The following FOXJ3 variants were observed in gnomAD, a reference collection of about 807,000 sequenced individuals.
The protein encoded by FOXJ3 is forkhead box protein J3.
FOXJ3 carries 22 observed loss-of-function variants against 76.1 expected under a neutral mutation model. That is an observed-to-expected ratio of 0.29 (90% CI 0.21 to 0.41). The LOEUF (loss-of-function observed/expected upper bound fraction) is 0.41. Among genes scored for constraint, FOXJ3 ranks in the 10% least tolerant of loss-of-function variants. The pLI, the probability that FOXJ3 is intolerant of heterozygous loss-of-function variation, is 1.00. For missense variants in FOXJ3, 613 were observed against 762.1 expected (o/e 0.80, Z 2.30); for synonymous variants, 269 against 261.2 (o/e 1.03, Z -0.29).
At chr1:42,239,559 T>C (rs1648966931) in intron 4 of FOXJ3, among the ~76,000 whole-genome samples, 3 of 152,188 alleles carry the variant, frequency 2.0e-5, no homozygotes, top group African/African-American at 7.2e-5. Context: ...ACAACATCTT[T>C]TGAATGTAAC....
intron 5 of FOXJ3, among the ~76,000 whole-genome samples, chr1:42,227,115 T>C (rs941665713): frequency 6.6e-6 from 1 of 152,218 alleles, no homozygotes; most frequent in Non-Finnish European, 1.5e-5. Flanking sequence ...TTCTACAAAG[T>C]GTAAGAAATT....
In FOXJ3 at chr1:42,257,441, C is replaced by T. The variant is rs542524479; in HGVS notation, c.444+7674G>A. 6.6e-5 allele frequency among the ~76,000 whole-genome samples: 10 copies of T among 152,226 alleles called. No homozygotes were observed. The East Asian group carries it at 1.5e-3, about 23-fold the overall frequency. ...AGAAAATCCATCAGAAATGGCTGTG[C>T]ACAGCGGCTCACACCTGTAATCTCA... On this transcript the variant is annotated intron_variant, in intron 4 of 12. Coordinates refer to ENST00000361346, the MANE Select transcript of FOXJ3 (RefSeq NM_014947.5).
chr1:42,278,264 T>G (rs760723977), intron 3 of FOXJ3, 84 bp downstream of exon 3: 2 of 1,009,986 alleles, frequency 2.0e-6, no homozygotes, highest in African/African-American at 3.3e-5. Flanking sequence ...TTCAATTACA[T>G]GAGCATTCAC....
chr1:42,199,083 T>C lies in FOXJ3; in HGVS notation c.759+19A>G. 6.2e-7 allele frequency: 1 copy of C among 1,601,308 alleles called. No homozygotes were observed. Among genetic ancestry groups the C allele is most frequent in the Non-Finnish European group, 8.5e-7 (1 of 1,169,712 alleles). On this transcript the variant is annotated intron_variant, in intron 7 of 12. Transcript: ENST00000361346. ...ACTAAATGAATAACTATTAACATGTTAACTTCATCAAGACTTACCGGTGTA... is the reference window on the plus strand; with the variant it reads ...ACTAAATGAATAACTATTAACATGTCAACTTCATCAAGACTTACCGGTGTA...
At chr1:42,235,219 C>T (rs1052162251) in intron 4 of FOXJ3, among the ~76,000 whole-genome samples, 4 of 152,218 alleles carry the variant, frequency 2.6e-5, no homozygotes, top group Non-Finnish European at 5.9e-5. Flanking sequence ...GGGATATAAT[C>T]TCCTGGTGTG....
At chr1:42,280,452 A>C (rs1652618479) in intron 2 of FOXJ3, 3 of 966,820 alleles carry the variant, frequency 3.1e-6, no homozygotes, top group African/African-American at 1.8e-5. Context: ...AAAAAAAAAA[A>C]AAAAAAAAAA....
chr1:42,191,158 A>T, intron 9 of FOXJ3, 145 bp downstream of exon 9: 1 of 736,022 alleles, frequency 1.4e-6, no homozygotes, highest in African/African-American at 1.7e-5. Context: ...TCAGTCTATG[A>T]ATTAAATGAG....
At position 42,194,969 on chromosome 1, in the gene FOXJ3, T is replaced by C; in HGVS notation, c.855A>G (p.Ser285=). ...LPERDKQLLF[S]EYNFEDLSAS... ...CACTAAGATCTTCAAAATTATATTC[T>C]GAGAAAAGTAGTTGCTTGTCTCTTT... Residue 285 remains serine (S), a synonymous_variant, in exon 8 of 13, where the codon TCA becomes TCG. Transcript: ENST00000361346. The C allele has an allele frequency of 6.2e-7, 1 of 1,613,238 alleles. No homozygotes were observed. The highest frequency in any genetic ancestry group is 8.5e-7 in the Non-Finnish European group (1 of 1,179,388).
chr1:42,188,692 C>T (rs892849842), intron 11 of FOXJ3, 45 bp downstream of exon 11: 6 of 1,320,354 alleles, frequency 4.5e-6, no homozygotes, highest in African/African-American at 4.5e-5. Flanking sequence ...AAATTTCGTA[C>T]GAATGAGAAA....
chr1:42,244,895 G>A (rs1347352521), intron 4 of FOXJ3, among the ~76,000 whole-genome samples: 1 of 152,042 alleles, frequency 6.6e-6, no homozygotes, highest in Admixed American at 6.6e-5. Context: ...GTAATTAAAA[G>A]TCTTGGCCAG....
intron 1 of FOXJ3, among the ~76,000 whole-genome samples, chr1:42,313,532 G>A (rs557360312): frequency 6.6e-6 from 1 of 152,218 alleles, no homozygotes; most frequent in South Asian, 2.1e-4. Context: ...ACAAAACCCA[G>A]AAGGAAATCA....
chr1:42,324,101 T>TATATATACTGTATATACACA (rs1655618691), intron 1 of FOXJ3, among the ~76,000 whole-genome samples: 1 of 22,740 alleles, frequency 4.4e-5, no homozygotes, highest in South Asian at 1.3e-3. Flanking sequence ...GTATATATAC[T>TATATATACTGTATATACACA]GTGTATATAC....
intron 5 of FOXJ3, among the ~76,000 whole-genome samples, chr1:42,220,473 C>T (rs1191315849): frequency 6.6e-6 from 1 of 152,110 alleles, no homozygotes; most frequent in African/African-American, 2.4e-5. Context: ...ACCATCCAAA[C>T]CCTCCCATAT....
intron 4 of FOXJ3, among the ~76,000 whole-genome samples, chr1:42,260,253 G>C (rs1650932223): frequency 1.3e-5 from 2 of 151,932 alleles, no homozygotes; most frequent in African/African-American, 4.8e-5. Flanking sequence ...TAAAGAAAAT[G>C]ACCAAAATGG....
intron 2 of FOXJ3, among the ~76,000 whole-genome samples, chr1:42,294,783 C>A (rs924297650): frequency 1.0e-5 from 1 of 97,742 alleles, no homozygotes; most frequent in Non-Finnish European, 2.2e-5. Context: ...AAAAAAGACG[C>A]CATGAACTTG....
intron 7 of FOXJ3, among the ~76,000 whole-genome samples, chr1:42,196,213 G>A (rs895119112): frequency 8.5e-5 from 13 of 152,192 alleles, no homozygotes; most frequent in African/African-American, 2.2e-4. Flanking sequence ...CACGTGGGAT[G>A]TAGGGAGCTG....
chr1:42,206,064 ACTCT>A (rs953256269), intron 5 of FOXJ3: 18 of 506,834 alleles, frequency 3.6e-5, no homozygotes, highest in African/African-American at 3.2e-4. Flanking sequence ...TGGTATGGCT[ACTCT>A]CTAACAACTC....
intron 4 of FOXJ3, among the ~76,000 whole-genome samples, chr1:42,231,236 G>T (rs913096243): frequency 1.3e-5 from 2 of 152,068 alleles, no homozygotes; most frequent in African/African-American, 2.4e-5. Context: ...TGAGGCAGGA[G>T]AATGGCGTGA....
chr1:42,251,193 C>T (rs1393951558), intron 4 of FOXJ3, among the ~76,000 whole-genome samples: 2 of 152,000 alleles, frequency 1.3e-5, no homozygotes, highest in Non-Finnish European at 1.5e-5. Context: ...CCAAAAGTGA[C>T]AGGGGTTTGG....
Sources: gnomAD v4.1 joint callset for allele counts (sites outside exome capture counted in the v4.1 genomes callset) on GRCh38, gnomAD v4.1.1 for gene constraint, MANE v1.5 for transcripts, NCBI Gene and HGNC (gene_info 2026-07-23, HGNC 2026-07-21) for gene names.